DIAPH2: variants seen among roughly 807,000 people sequenced by gnomAD.
The protein encoded by DIAPH2 is diaphanous related formin 2.
A neutral mutation model predicts 92.7 loss-of-function variants in DIAPH2; 35 were observed. The ratio of observed to expected loss-of-function variants is 0.38; its 90% CI spans 0.29 to 0.50. The LOEUF is 0.50. Among genes scored for constraint, DIAPH2 ranks in the 20% least tolerant of loss-of-function variants. DIAPH2 has a pLI of 0.94. For synonymous variants in DIAPH2, 301 were observed against 280.4 expected, an observed-to-expected ratio of 1.07 and a Z score of -0.73; for missense variants, 701 against 819.5, an observed-to-expected ratio of 0.86 and a Z score of 1.77.
At chrX:96,888,605 C>CTATATATATCTATATATATACACAGA (rs2065284850) in intron 5 of DIAPH2, among the ~76,000 whole-genome samples, 3 of 71,507 alleles carry the variant, frequency 4.2e-5, no homozygotes, top group African/African-American at 1.8e-4. Context: ...ATATATATAT[C>CTATATATATCTATATATATACACAGA]TATATATATC....
chrX:96,755,917 G>T (rs997861306), intron 3 of DIAPH2, among the ~76,000 whole-genome samples: 20 of 105,907 alleles, frequency 1.9e-4, no homozygotes, highest in African/African-American at 5.9e-4. Flanking sequence ...AGGCTGGAGT[G>T]CAGTGACAGG....
At chrX:97,018,779 T>C (rs1431278843) in intron 17 of DIAPH2, among the ~76,000 whole-genome samples, 1 of 111,650 alleles carries the variant, frequency 9.0e-6, no homozygotes, top group African/African-American at 3.3e-5. Flanking sequence ...ATTACTAAAG[T>C]CCATAGTTCA....
chrX:97,064,788 G>C (rs2066622845), intron 17 of DIAPH2, among the ~76,000 whole-genome samples: 1 of 109,402 alleles, frequency 9.1e-6, no homozygotes, highest in African/African-American at 3.3e-5. Flanking sequence ...CATCTCCACG[G>C]AAGTTTTTTA....
intron 26 of DIAPH2, among the ~76,000 whole-genome samples, chrX:97,494,913 A>G (rs1160192825): frequency 8.9e-6 from 1 of 112,379 alleles, no homozygotes; most frequent in African/African-American, 3.2e-5. Flanking sequence ...TTGTAGAGCT[A>G]TGCTCACCAC....
In DIAPH2 at chrX:97,486,268, A is replaced by G. The variant is rs537419328; in HGVS notation, c.3241+56523A>G. Among the ~76,000 whole-genome samples the G allele has an allele frequency of 3.1e-4, 35 of 111,909 alleles. 1 individual carries two copies. The South Asian group carries it at 0.013, about 40-fold the overall frequency. On this transcript the variant is annotated intron_variant, in intron 26 of 26. Transcript: ENST00000324765. Reference sequence around the variant, plus strand: ...ACTGGAAAATAGCATTTGAAAGTCAATTATGGAACTTCCAGCACACCTATA... The same window carrying G: ...ACTGGAAAATAGCATTTGAAAGTCAGTTATGGAACTTCCAGCACACCTATA...
chrX:97,074,263 G>A (rs976856576), intron 18 of DIAPH2, among the ~76,000 whole-genome samples: 3 of 110,971 alleles, frequency 2.7e-5, no homozygotes, highest in Non-Finnish European at 3.8e-5. Context: ...AAAATTAGCC[G>A]GGCGTGATGG....
At chrX:96,735,871 A>G (rs2064084212) in intron 2 of DIAPH2, 81 bp downstream of exon 2, 5 of 519,835 alleles carry the variant, frequency 9.6e-6, no homozygotes, top group Non-Finnish European at 1.6e-5. Flanking sequence ...AAGCATTGAT[A>G]TATGTAAGAT....
At chrX:97,115,494 C>T (rs774620539) in intron 21 of DIAPH2, among the ~76,000 whole-genome samples, 1 of 110,899 alleles carries the variant, frequency 9.0e-6, no homozygotes, top group African/African-American at 3.3e-5. Context: ...CGAGATCATG[C>T]CACTGTACTC....
At chrX:97,413,292 C>CA (rs775499603) in intron 25 of DIAPH2, among the ~76,000 whole-genome samples, 17 of 110,877 alleles carry the variant, frequency 1.5e-4, no homozygotes, top group Non-Finnish European at 2.3e-4. Context: ...TAAACAGAAC[C>CA]AAAAACAAAA....
rs180789733 is a variant in DIAPH2 at position 96,796,345 on chromosome X, A to G, written c.447+38087A>G. Among the ~76,000 whole-genome samples the G allele has an allele frequency of 1.6e-3, 176 of 109,458 alleles. 2 individuals are homozygous for G. The highest frequency in any genetic ancestry group is 5.6e-3 in the African/African-American group (169 of 30,041). On this transcript the variant is annotated intron_variant, in intron 4 of 26. Coordinates refer to ENST00000324765, the MANE Select transcript of DIAPH2 (RefSeq NM_006729.5). ...CAGGTGCATGCCACTGCACCTGGCT[A>G]ATTTTTGTATTTTTAGTAGAGACGG... is the stretch of plus-strand genomic sequence containing the variant.
intron 25 of DIAPH2, 150 bp from the exon 26 acceptor site, chrX:97,429,500 C>T (rs140233763): frequency 1.2e-6 from 1 of 807,389 alleles, no homozygotes; most frequent in East Asian, 3.8e-5. Flanking sequence ...GTCTGTGGTG[C>T]CAGAAACTGA....
At chrX:97,406,738 T>C (rs958014877) in intron 25 of DIAPH2, among the ~76,000 whole-genome samples, 1 of 111,777 alleles carries the variant, frequency 8.9e-6, no homozygotes, top group Admixed American at 9.6e-5. Context: ...CCTGTTGATA[T>C]AGGCTATAAA....
chrX:97,182,273 G>A (rs2067546629), intron 22 of DIAPH2, among the ~76,000 whole-genome samples: 2 of 111,789 alleles, frequency 1.8e-5, no homozygotes, highest in African/African-American at 3.2e-5. Context: ...GTAAATTTGA[G>A]GAGCAATAAG....
chrX:96,862,615 G>C (rs1285696193), intron 4 of DIAPH2, among the ~76,000 whole-genome samples: 4 of 111,946 alleles, frequency 3.6e-5, no homozygotes, highest in Non-Finnish European at 7.5e-5. Context: ...ACCATATCTG[G>C]AATTTGAACT....
At chrX:97,351,554 G>C (rs1337555483) in intron 24 of DIAPH2, among the ~76,000 whole-genome samples, 1 of 111,806 alleles carries the variant, frequency 8.9e-6, no homozygotes, top group African/African-American at 3.3e-5. Flanking sequence ...GGTGGCTCAC[G>C]CCTGTAATCC....
chrX:97,204,199 A>G (rs2067776716), intron 22 of DIAPH2, among the ~76,000 whole-genome samples: 1 of 112,044 alleles, frequency 8.9e-6, no homozygotes, highest in Non-Finnish European at 1.9e-5. Flanking sequence ...AATTATGACA[A>G]ACCCATAGCC....
intron 17 of DIAPH2, among the ~76,000 whole-genome samples, chrX:96,977,290 G>A (rs1423027466): frequency 1.8e-5 from 2 of 111,886 alleles, no homozygotes; most frequent in Non-Finnish European, 3.8e-5. Context: ...CTATAATTTA[G>A]ATTTTTTTAG....
At chrX:97,261,525 C>T (rs1478412130) in intron 23 of DIAPH2, among the ~76,000 whole-genome samples, 2 of 110,897 alleles carry the variant, frequency 1.8e-5, no homozygotes, top group Non-Finnish European at 3.8e-5. Flanking sequence ...ATACTCATTT[C>T]CTTTAGAGGA....
chrX:97,270,138 A>G, intron 23 of DIAPH2, among the ~76,000 whole-genome samples: 1 of 111,096 alleles, frequency 9.0e-6, no homozygotes, highest in Admixed American at 9.6e-5. Flanking sequence ...CATGTTGGTC[A>G]GGCTGGTCTT....
Sources: allele counts gnomAD v4.1 joint callset (sites outside exome capture counted in the v4.1 genomes callset), GRCh38; gene constraint gnomAD v4.1.1; transcripts MANE v1.5; gene names NCBI Gene and HGNC (gene_info 2026-07-23, HGNC 2026-07-21).